The following CCR3 variants were observed in gnomAD, a reference collection of about 807,000 sequenced individuals.
CCR3 encodes C-C motif chemokine receptor 3, also known as C-C chemokine receptor type 3.
For synonymous variants in CCR3, 203 were observed against 179.2 expected, an observed-to-expected ratio of 1.13 and a Z score of -1.06; for missense variants, 419 against 437.5, an observed-to-expected ratio of 0.96 and a Z score of 0.38.
chr3:46,245,392 C>T (rs974125552), intron 1 of CCR3, among the ~76,000 whole-genome samples: 1 of 149,096 alleles, frequency 6.7e-6, no homozygotes, highest in Non-Finnish European at 1.5e-5. Context: ...TCCTCTTCTA[C>T]AGGAAGAACT....
intron 2 of CCR3, among the ~76,000 whole-genome samples, chr3:46,211,782 T>C (rs1699718356): frequency 6.6e-6 from 1 of 152,130 alleles, no homozygotes; most frequent in Non-Finnish European, 1.5e-5. Flanking sequence ...ATACACGTTG[T>C]CTTCCATTGC....
intron 2 of CCR3, among the ~76,000 whole-genome samples, chr3:46,225,744 T>G (rs1221891751): frequency 6.6e-6 from 1 of 152,224 alleles, no homozygotes; most frequent in Non-Finnish European, 1.5e-5. Flanking sequence ...TCTTTGACCA[T>G]TTTCTAATTG....
At chr3:46,230,967 C>T (rs1156953061) in intron 2 of CCR3, among the ~76,000 whole-genome samples, 3 of 152,136 alleles carry the variant, frequency 2.0e-5, no homozygotes, top group Non-Finnish European at 4.4e-5. Context: ...CTCTGTCGTC[C>T]AGGCTGGAGT....
At chr3:46,228,434 C>T (rs1184299258) in intron 2 of CCR3, among the ~76,000 whole-genome samples, 3 of 152,038 alleles carry the variant, frequency 2.0e-5, no homozygotes, top group African/African-American at 7.3e-5. Context: ...TGAATTTGAC[C>T]CCACCCTTGT....
chr3:46,221,710 C>A (rs1699838985), intron 2 of CCR3, among the ~76,000 whole-genome samples: 1 of 152,148 alleles, frequency 6.6e-6, no homozygotes, highest in Non-Finnish European at 1.5e-5. Context: ...CTTAAGCCTT[C>A]ATTTTTGAGC....
chr3:46,229,896 G>A (rs947687540), intron 2 of CCR3, among the ~76,000 whole-genome samples: 4 of 152,154 alleles, frequency 2.6e-5, no homozygotes, highest in South Asian at 2.1e-4. Flanking sequence ...GACAGAGAGG[G>A]AGGAGGCCAA....
intron 1 of CCR3, among the ~76,000 whole-genome samples, chr3:46,245,555 T>G (rs1700173482): frequency 6.6e-6 from 1 of 151,964 alleles, no homozygotes; most frequent in African/African-American, 2.4e-5. Flanking sequence ...ATGATTATTT[T>G]CCTTTTTTTT....
At chr3:46,210,885 G>A (rs1173927236) in exon 2 of CCR3, 3 of 152,248 alleles carry the variant, frequency 2.0e-5, no homozygotes, top group Non-Finnish European at 4.4e-5. Context: ...CTGGGAAGAG[G>A]TGGATCCCAG....
intron 2 of CCR3, among the ~76,000 whole-genome samples, chr3:46,220,242 C>T (rs1407248453): frequency 2.6e-5 from 4 of 152,088 alleles, no homozygotes; most frequent in Admixed American, 1.3e-4. Flanking sequence ...AAAAAATGCC[C>T]AACATCACTA....
Position 46,265,708 on chromosome 3 carries a change from A to G in CCR3, c.550A>G (p.Ser184Gly). The G allele has an allele frequency of 6.2e-7, 1 of 1,614,006 alleles. No homozygotes were observed. Among genetic ancestry groups the G allele is most frequent in the Non-Finnish European group, 8.5e-7 (1 of 1,179,994 alleles). The part of the protein sequence containing the change: ...TEELFEETLC[S>G]ALYPEDTVYS... ...AGAGTTGTTTGAAGAGACTCTTTGC[A>G]GTGCTCTTTACCCAGAGGATACAGT... Residue 184 changes from serine (S) to glycine (G), a missense_variant, in exon 2 of 2, where the codon AGT becomes GGT. Physicochemically the swap from Ser to Gly is moderately conservative, Grantham distance 56 (BLOSUM62 0). Transcript: ENST00000395940.
intron 1 of CCR3, 96 bp from the exon 2 acceptor site, chr3:46,265,052 G>T: frequency 1.3e-6 from 1 of 761,270 alleles, no homozygotes; most frequent in South Asian, 1.8e-5. Flanking sequence ...ATCACATGTG[G>T]CATCTTTGTT....
At chr3:46,216,669 C>A (rs941547615) in intron 2 of CCR3, among the ~76,000 whole-genome samples, 3 of 152,128 alleles carry the variant, frequency 2.0e-5, no homozygotes, top group African/African-American at 7.2e-5. Flanking sequence ...TCAGCAGAAA[C>A]CCTGCAAGTC....
At chr3:46,246,382 A>T (rs1280002753) in intron 1 of CCR3, among the ~76,000 whole-genome samples, 2 of 152,118 alleles carry the variant, frequency 1.3e-5, no homozygotes, top group Non-Finnish European at 2.9e-5. Context: ...GAGTCAGCGA[A>T]GGGAGATAAG....
intron 1 of CCR3, among the ~76,000 whole-genome samples, chr3:46,256,981 C>G (rs1169587811): frequency 1.3e-5 from 2 of 151,856 alleles, no homozygotes; most frequent in African/African-American, 4.8e-5. Context: ...TGCTTACACA[C>G]AAAGTTGTAG....
At position 46,236,759 on chromosome 3, in the gene CCR3, C is replaced by T. The variant is rs9821243; in HGVS notation, c.-67-5643C>T. Among the ~76,000 whole-genome samples, 1,270 of 152,298 alleles carry T rather than the reference C, an allele frequency of 8.3e-3. 25 individuals are homozygous for T. Among genetic ancestry groups the T allele is most frequent in the African/African-American group, 0.029 (1,209 of 41,554 alleles). Reference sequence around the variant, plus strand: ...CCCTAGTGGGAAGAGAGGCAGCAGGCTCAGAAGAGTTCAAAACCTCAGTTC... The same window carrying T: ...CCCTAGTGGGAAGAGAGGCAGCAGGTTCAGAAGAGTTCAAAACCTCAGTTC... On this transcript the variant is annotated intron_variant, in intron 2 of 3. Transcript: ENST00000357422.
chr3:46,250,671 C>G (rs1700289838), intron 1 of CCR3, among the ~76,000 whole-genome samples: 1 of 151,956 alleles, frequency 6.6e-6, no homozygotes, highest in South Asian at 2.1e-4. Flanking sequence ...GGTTTTAGGA[C>G]AGGTGTAAGT....
intron 2 of CCR3, among the ~76,000 whole-genome samples, chr3:46,223,931 C>A (rs1699864301): frequency 1.3e-5 from 2 of 152,108 alleles, no homozygotes; most frequent in South Asian, 4.1e-4. Context: ...AATAGAGTCT[C>A]CATCGGGTGT....
chr3:46,265,461 T>C lies in CCR3; in HGVS notation c.303T>C (p.Phe101=). 9 of 1,614,204 alleles carry C rather than the reference T, an allele frequency of 5.6e-6. No homozygotes were observed. The highest frequency in any genetic ancestry group is 7.6e-6 in the Non-Finnish European group (9 of 1,180,028). Residue 101 remains phenylalanine (F), a synonymous_variant, in exon 2 of 2, where the codon TTT becomes TTC. Transcript: ENST00000395940. Reference sequence around the variant, plus strand: ...ATGTCAGGGGGCATAACTGGGTTTTTGGCCATGGCATGTGTAAGCTCCTCT... The same window carrying C: ...ATGTCAGGGGGCATAACTGGGTTTTCGGCCATGGCATGTGTAAGCTCCTCT... ...IHYVRGHNWV[F]GHGMCKLLSG...
intron 2 of CCR3, among the ~76,000 whole-genome samples, chr3:46,220,924 G>T (rs377569683): frequency 6.6e-6 from 1 of 152,106 alleles, no homozygotes; most frequent in African/African-American, 2.4e-5. Flanking sequence ...GGTGATGGGG[G>T]TACCAAAATC....
Sources: allele counts gnomAD v4.1 joint callset (sites outside exome capture counted in the v4.1 genomes callset), GRCh38; gene constraint gnomAD v4.1.1; transcripts MANE v1.5; gene names NCBI Gene and HGNC (gene_info 2026-07-23, HGNC 2026-07-21).